GRIP1: variants seen among roughly 807,000 people sequenced by gnomAD.
GRIP1 encodes the protein glutamate receptor interacting protein 1, also known as glutamate receptor-interacting protein 1.
Under a neutral mutation model 129.9 loss-of-function variants are expected in GRIP1, and 45 were observed. The ratio of observed to expected loss-of-function variants is 0.35; its 90% CI spans 0.27 to 0.44. The LOEUF (loss-of-function observed/expected upper bound fraction) is 0.44, where lower values mean the gene tolerates loss of function less well. Among genes scored for constraint, GRIP1 ranks in the 20% least tolerant of loss-of-function variants. The probability of loss-of-function intolerance (pLI) is 1.00; values close to 1 mark genes in which losing one functional copy is unlikely to be tolerated. For synonymous variants in GRIP1, 530 were observed against 520.8 expected, an observed-to-expected ratio of 1.02 and a Z score of -0.24; for missense variants, 1,196 against 1,396.8, an observed-to-expected ratio of 0.86 and a Z score of 2.29.
intron 2 of GRIP1, among the ~76,000 whole-genome samples, chr12:66,573,908 T>C (rs2063050272): frequency 6.6e-6 from 1 of 152,210 alleles, no homozygotes; most frequent in African/African-American, 2.4e-5. Flanking sequence ...ATCATGCTGG[T>C]TGGTGCCCTC....
chr12:66,679,971 C>T (rs946572739), upstream of GRIP1, among the ~76,000 whole-genome samples: 1 of 152,144 alleles, frequency 6.6e-6, no homozygotes, highest in African/African-American at 2.4e-5. Context: ...CTGCCAGCAG[C>T]AGCCTGCTCG....
chr12:66,356,584 T>C (rs2054499671), intron 23 of GRIP1, among the ~76,000 whole-genome samples: 1 of 152,010 alleles, frequency 6.6e-6, no homozygotes, highest in Admixed American at 6.6e-5. Flanking sequence ...AGTAGAGAGG[T>C]TGGAACACCC....
intron 9 of GRIP1, among the ~76,000 whole-genome samples, chr12:66,459,349 G>A (rs145779868): frequency 3.3e-5 from 5 of 152,256 alleles, no homozygotes; most frequent in South Asian, 2.1e-4. Context: ...TCAGCAAGAC[G>A]CAGTTATTAC....
chr12:66,865,654 T>A lies in GRIP1; in HGVS notation c.58+203396A>T, dbSNP rs1023652233. 2.0e-5 allele frequency among the ~76,000 whole-genome samples: 3 copies of A among 152,002 alleles called. No homozygotes were observed. The East Asian group carries it at 5.8e-4, about 29-fold the overall frequency. On this transcript the variant is annotated intron_variant, in intron 1 of 1. Coordinates refer to the GRIP1 transcript ENST00000643019. ...ATCCATCCACCCACCCATTCATTCA[T>A]CTACCCACCCACATTCTCATTATCT...
intron 1 of GRIP1, among the ~76,000 whole-genome samples, chr12:66,884,880 C>G (rs887603359): frequency 7.9e-5 from 12 of 152,112 alleles, no homozygotes; most frequent in Non-Finnish European, 1.2e-4. Flanking sequence ...CTGAGGCATC[C>G]ATTTCTTAAA....
chr12:66,921,871 C>T (rs1420186778), intron 1 of GRIP1, among the ~76,000 whole-genome samples: 2 of 152,168 alleles, frequency 1.3e-5, no homozygotes, highest in African/African-American at 4.8e-5. Context: ...TCTTTAACTT[C>T]TTCTAATCTT....
intron 1 of GRIP1, among the ~76,000 whole-genome samples, chr12:66,617,150 G>A (rs552817438): frequency 2.5e-4 from 37 of 147,684 alleles, no homozygotes; most frequent in Non-Finnish European, 4.2e-4. Flanking sequence ...GATGGGGGAG[G>A]TGAAGAGAGT....
At chr12:66,418,350 T>C (rs185460787) in intron 15 of GRIP1, among the ~76,000 whole-genome samples, 9 of 152,290 alleles carry the variant, frequency 5.9e-5, no homozygotes, top group Non-Finnish European at 1.2e-4. Flanking sequence ...AAGAAAACAT[T>C]GGGGAAACTC....
intron 23 of GRIP1, among the ~76,000 whole-genome samples, chr12:66,360,455 G>A (rs540004427): frequency 1.3e-5 from 2 of 152,056 alleles, no homozygotes; most frequent in Admixed American, 6.6e-5. Context: ...GGATGCCCCC[G>A]GAGAACCTGG....
intron 7 of GRIP1, among the ~76,000 whole-genome samples, chr12:66,513,804 C>A (rs2060769106): frequency 6.6e-6 from 1 of 152,082 alleles, no homozygotes; most frequent in Non-Finnish European, 1.5e-5. Context: ...GAGTGAGTTG[C>A]AAAGAAGGCA....
At chr12:66,966,468 T>C (rs560847943) in intron 1 of GRIP1, among the ~76,000 whole-genome samples, 3 of 152,286 alleles carry the variant, frequency 2.0e-5, no homozygotes, top group East Asian at 1.9e-4. Flanking sequence ...AGGACCAATA[T>C]TGATACATCA....
At chr12:66,410,301 G>T (rs2057349906) in intron 15 of GRIP1, among the ~76,000 whole-genome samples, 2 of 144,382 alleles carry the variant, frequency 1.4e-5, no homozygotes, top group Non-Finnish European at 3.0e-5. Context: ...TTGGAGACAG[G>T]ACATTTGAAA....
Position 67,015,487 on chromosome 12 carries a change from A to G in GRIP1, c.58+53563T>C, listed in dbSNP as rs577360479. Reference sequence around the variant, plus strand: ...CAGACAGACTGGCATCTTCACTACAACTTGGGCCTGGTGAACTCTTATAAT... The same window carrying G: ...CAGACAGACTGGCATCTTCACTACAGCTTGGGCCTGGTGAACTCTTATAAT... On this transcript the variant is annotated intron_variant, in intron 1 of 1. Transcript: ENST00000643019. Among the ~76,000 whole-genome samples the G allele has an allele frequency of 5.9e-5, 9 of 152,274 alleles. No homozygotes were observed. In the South Asian group the frequency reaches 1.9e-3, roughly 32 times the overall value.
chr12:66,464,059 G>C (rs1416942385), intron 8 of GRIP1, among the ~76,000 whole-genome samples: 2 of 152,210 alleles, frequency 1.3e-5, no homozygotes, highest in Non-Finnish European at 2.9e-5. Flanking sequence ...AGGTGGAAAG[G>C]CAGGTTGAGG....
chr12:66,958,898 T>C (rs1384884788), intron 1 of GRIP1, among the ~76,000 whole-genome samples: 1 of 152,166 alleles, frequency 6.6e-6, no homozygotes, highest in East Asian at 1.9e-4. Context: ...CCGCAGAGAA[T>C]GAGTGCCCAG....
chr12:66,653,232 T>C (rs2032926095), intron 1 of GRIP1, among the ~76,000 whole-genome samples: 1 of 152,200 alleles, frequency 6.6e-6, no homozygotes, highest in Non-Finnish European at 1.5e-5. Context: ...CTACAAGTGT[T>C]AATATTTAAT....
intron 1 of GRIP1, among the ~76,000 whole-genome samples, chr12:66,865,980 G>T (rs1055279515): frequency 4.6e-5 from 7 of 152,022 alleles, no homozygotes; most frequent in Non-Finnish European, 7.4e-5. Context: ...TCACCCAGGG[G>T]TCTGTGTAAA....
chr12:66,532,868 G>C (rs1039424764), intron 4 of GRIP1, among the ~76,000 whole-genome samples: 2 of 152,072 alleles, frequency 1.3e-5, no homozygotes, highest in African/African-American at 4.8e-5. Context: ...ACATTTATTT[G>C]AGTTAAAAAT....
intron 7 of GRIP1, among the ~76,000 whole-genome samples, chr12:66,485,638 T>TA (rs1356999010): frequency 6.6e-6 from 1 of 152,028 alleles, no homozygotes; most frequent in Non-Finnish European, 1.5e-5. Flanking sequence ...TTGCTTACTA[T>TA]AAAGTCATCG....
Sources: gnomAD v4.1 joint callset for allele counts (sites outside exome capture counted in the v4.1 genomes callset) on GRCh38, gnomAD v4.1.1 for gene constraint, MANE v1.5 for transcripts, NCBI Gene and HGNC (gene_info 2026-07-23, HGNC 2026-07-21) for gene names.